CMTM4: variants seen among roughly 807,000 people sequenced by gnomAD.
The protein encoded by CMTM4 is CKLF like MARVEL transmembrane domain containing 4.
In CMTM4, 8 loss-of-function variants were observed where a neutral mutation model predicts 19.0. That is an observed-to-expected ratio of 0.42 (90% CI 0.25 to 0.76). CMTM4 has a LOEUF of 0.76. Among genes scored for constraint, CMTM4 ranks in the 30% least tolerant of loss-of-function variants. The pLI, the probability that CMTM4 is intolerant of heterozygous loss-of-function variation, is 0.27. For synonymous variants in CMTM4, 106 were observed against 121.1 expected, an observed-to-expected ratio of 0.88 and a Z score of 0.82; for missense variants, 228 against 290.2, an observed-to-expected ratio of 0.79 and a Z score of 1.56.
At chr16:66,607,402 C>G in the CMTM4 span, among the ~76,000 whole-genome samples, 2 of 152,234 alleles carry the variant, frequency 1.3e-5, no homozygotes, top group Non-Finnish European at 2.9e-5. Flanking sequence ...CCAACGCACC[C>G]TCTGTTAGAT....
chr16:66,618,501 C>T lies in CMTM4; in HGVS notation c.*3557G>A. ...GCACAGAAAGGGATTAGACCTCAGT[C>T]CACCTCTCAGAGCACATGGATAGGT... is the stretch of plus-strand genomic sequence containing the variant. On this transcript the variant is annotated 3_prime_UTR_variant, in exon 4 of 4. Transcript: ENST00000394106. The T allele has an allele frequency of 1.0e-6, 1 of 985,484 alleles. No individual in the cohort carries two copies. Among genetic ancestry groups the T allele is most frequent in the Non-Finnish European group, 1.2e-6 (1 of 829,978 alleles). The allele number at this position is 985,484 out of a possible 1,614,324, so 61.0% of individuals were successfully genotyped here.
intron 1 of CMTM4, among the ~76,000 whole-genome samples, chr16:66,661,850 G>A (rs965678772): frequency 2.6e-5 from 4 of 152,152 alleles, no homozygotes; most frequent in East Asian, 1.9e-4. Context: ...GGAGAATTGC[G>A]TGAACTCGGG....
At chr16:66,604,997 C>T in the CMTM4 span, 1 of 1,415,464 alleles carries the variant, frequency 7.1e-7, no homozygotes, top group South Asian at 1.5e-5. Flanking sequence ...GACTGCGCGG[C>T]TCCTTTCGGA....
intron 1 of CMTM4, among the ~76,000 whole-genome samples, chr16:66,668,442 C>T (rs1420044687): frequency 6.6e-6 from 1 of 152,080 alleles, no homozygotes; most frequent in Non-Finnish European, 1.5e-5. Flanking sequence ...AAATATCTGT[C>T]CATGTTTTTG....
chr16:66,602,610 G>A, the CMTM4 span, among the ~76,000 whole-genome samples: 6 of 151,834 alleles, frequency 4.0e-5, no homozygotes, highest in Non-Finnish European at 7.4e-5. Flanking sequence ...GCAGTGGTGC[G>A]ATCTCAGCTC....
chr16:66,602,981 A>G, the CMTM4 span, among the ~76,000 whole-genome samples: 1 of 152,270 alleles, frequency 6.6e-6, no homozygotes, highest in South Asian at 2.1e-4. Context: ...TGTTATAAAC[A>G]TTCCACAACA....
At chr16:66,665,487 G>A (rs2016575560) in intron 1 of CMTM4, among the ~76,000 whole-genome samples, 1 of 152,074 alleles carries the variant, frequency 6.6e-6, no homozygotes, top group Admixed American at 6.6e-5. Context: ...GCTCACACCT[G>A]TAATCCCAAC....
downstream of CMTM4, chr16:66,612,869 C>G: frequency 3.3e-6 from 2 of 610,606 alleles, no homozygotes; most frequent in Non-Finnish European, 5.9e-6. This position sits in a 1 kb window ranked among gnomAD's most constrained non-coding sequence, Gnocchi z 6.0. Context: ...TATCCCACTC[C>G]TTCTCCCCAT....
chr16:66,636,792 A>T (rs1450249547), intron 1 of CMTM4, among the ~76,000 whole-genome samples: 2 of 152,166 alleles, frequency 1.3e-5, no homozygotes, highest in Non-Finnish European at 2.9e-5. Flanking sequence ...TCAAATTACT[A>T]ATGTAAACAG....
downstream of CMTM4, chr16:66,612,743 G>A (rs1374507663): frequency 8.8e-7 from 1 of 1,134,208 alleles, no homozygotes; most frequent in South Asian, 1.4e-5. This position sits in a 1 kb window ranked among gnomAD's most constrained non-coding sequence, Gnocchi z 6.0. Flanking sequence ...GAGTTGCAGA[G>A]GGGGCTGCGG....
At chr16:66,681,441 C>T (rs1179466883) in intron 1 of CMTM4, among the ~76,000 whole-genome samples, 2 of 151,984 alleles carry the variant, frequency 1.3e-5, no homozygotes, top group Non-Finnish European at 2.9e-5. Flanking sequence ...CTCAGCCTCC[C>T]AAGTAGCTGG....
At position 66,619,527 on chromosome 16, in the gene CMTM4, C is replaced by T; in HGVS notation, c.*2531G>A. 1.0e-6 allele frequency: 1 copy of T among 985,426 alleles called. No individual in the cohort carries two copies. The allele number at this position is 985,426 out of a possible 1,614,324, so 61.0% of individuals were successfully genotyped here. On this transcript the variant is annotated 3_prime_UTR_variant, in exon 4 of 4. Transcript: ENST00000394106. ...GAAACTATTAAACGCAAAAACGCTT[C>T]CTTCAATTTGCCAAGAGGTCATTTT...
intron 1 of CMTM4, among the ~76,000 whole-genome samples, chr16:66,664,352 A>C (rs1490636214): frequency 6.6e-6 from 1 of 152,194 alleles, no homozygotes; most frequent in Non-Finnish European, 1.5e-5. Context: ...TACCAGAGGG[A>C]AACTTGGAAT....
chr16:66,650,174 G>A (rs748964879), intron 1 of CMTM4, among the ~76,000 whole-genome samples: 31 of 152,278 alleles, frequency 2.0e-4, no homozygotes, highest in Non-Finnish European at 4.3e-4. Flanking sequence ...ATTTGTGTGA[G>A]ATGGTGCCTA....
chr16:66,650,791 T>TTG (rs1429097817), intron 1 of CMTM4, among the ~76,000 whole-genome samples: 1 of 152,182 alleles, frequency 6.6e-6, no homozygotes, highest in African/African-American at 2.4e-5. Context: ...AATACTCAGC[T>TTG]TTGTCACGTC....
rs1567399106 is a variant in CMTM4 at position 66,615,389 on chromosome 16, C to T, written c.*6669G>A. ...TTTGCAATGGCTCAGCTAGTTTACTCAAGGGTTTTGGGACCAGACATAACT... is the reference window on the plus strand; with the variant it reads ...TTTGCAATGGCTCAGCTAGTTTACTTAAGGGTTTTGGGACCAGACATAACT... On this transcript the variant is annotated 3_prime_UTR_variant, in exon 4 of 4. Transcript: ENST00000394106. The surrounding 1 kb of genome is among the most constrained non-coding windows in gnomAD (Gnocchi z 4.9). The T allele has an allele frequency of 6.6e-6, 1 of 152,194 alleles. No individual in the cohort carries two copies. Among genetic ancestry groups the T allele is most frequent in the Non-Finnish European group, 1.5e-5 (1 of 68,046 alleles). The allele number at this position is 152,194 out of a possible 1,614,324, so 9.4% of individuals were successfully genotyped here. A position where few individuals can be genotyped will look rare whatever the true frequency, so the allele number is the denominator to read the frequency against.
chr16:66,684,096 T>C (rs2016991055), intron 1 of CMTM4, among the ~76,000 whole-genome samples: 1 of 152,188 alleles, frequency 6.6e-6, no homozygotes, highest in Non-Finnish European at 1.5e-5. Context: ...TTCTGCTTAA[T>C]GTAAGCAGAA....
intron 1 of CMTM4, among the ~76,000 whole-genome samples, chr16:66,672,471 TTA>T (rs941000467): frequency 6.7e-6 from 1 of 149,586 alleles, no homozygotes; most frequent in Non-Finnish European, 1.5e-5. Context: ...TTGCAACAAC[TTA>T]TATATATATA....
intron 1 of CMTM4, among the ~76,000 whole-genome samples, chr16:66,691,698 T>A (rs2017138798): frequency 6.6e-6 from 1 of 152,134 alleles, no homozygotes; most frequent in Admixed American, 6.6e-5. Flanking sequence ...GGACCTTGTC[T>A]CAAAAAGAAA....
Sources: gnomAD v4.1 joint callset for allele counts (sites outside exome capture counted in the v4.1 genomes callset) on GRCh38, gnomAD v4.1.1 for gene constraint, Gnocchi (gnomAD v3.1) non-coding constraint, MANE v1.5 for transcripts, NCBI Gene and HGNC (gene_info 2026-07-23, HGNC 2026-07-21) for gene names.